The following FLT4 variants were observed in gnomAD, a reference collection of about 807,000 sequenced individuals.
FLT4 encodes the protein vascular endothelial growth factor receptor 3.
A neutral mutation model predicts 163.2 loss-of-function variants in FLT4; 30 were observed. The ratio of observed to expected loss-of-function variants is 0.18; its 90% CI spans 0.14 to 0.25. FLT4 has a LOEUF of 0.25. FLT4 is among the 10% of genes least tolerant of loss of function. The pLI is 1.00. For synonymous variants in FLT4, 884 were observed against 789.5 expected, an observed-to-expected ratio of 1.12 and a Z score of -2.01; for missense variants, 1,510 against 1,863.8, an observed-to-expected ratio of 0.81 and a Z score of 3.50.
intron 1 of FLT4, among the ~76,000 whole-genome samples, chr5:180,642,175 C>A (rs904170838): frequency 1.9e-4 from 29 of 151,424 alleles, no homozygotes; most frequent in Admixed American, 4.6e-4. Flanking sequence ...CCACTGCACT[C>A]CAGCTTGGGC....
At chr5:180,622,229 GC>G (rs1459617215) in intron 12 of FLT4, among the ~76,000 whole-genome samples, 2 of 152,000 alleles carry the variant, frequency 1.3e-5, no homozygotes, top group Admixed American at 6.6e-5. Context: ...GGCTCCTGTG[GC>G]CCCCCAGCCC....
rs1373117217 is a variant in FLT4, at chr5:180,631,784, G to A, written c.59-6C>T. On this transcript the variant is annotated splice_region_variant and splice_polypyrimidine_tract_variant and intron_variant, in intron 1 of 29. Transcript: ENST00000261937. ...GGAGTAGCCACTCACCAGGCCTGGG[G>A]TGGGAGACAGGGTCAGCGTGGTGCT... 2 of 1,601,240 alleles carry A rather than the reference G, an allele frequency of 1.2e-6. No individual in the cohort carries two copies. The highest frequency in any genetic ancestry group is 2.7e-5 in the African/African-American group (2 of 74,776).
At chr5:180,626,399 G>T in intron 8 of FLT4, 134 bp from the exon 9 acceptor site, 2 of 927,052 alleles carry the variant, frequency 2.2e-6, no homozygotes, top group Non-Finnish European at 3.4e-6. Context: ...GGGAACACTG[G>T]TCTGCGAGGG....
At chr5:180,637,541 T>C (rs1484048149) in intron 1 of FLT4, among the ~76,000 whole-genome samples, 3 of 152,056 alleles carry the variant, frequency 2.0e-5, no homozygotes, top group Non-Finnish European at 4.4e-5. Flanking sequence ...TTTTGTTTGT[T>C]TGTTTGTTTT....
rs766981627 is a variant in FLT4, at chr5:180,602,067, G to C, written c.*1125C>G. On this transcript the variant is annotated 3_prime_UTR_variant, in exon 30 of 30. Coordinates refer to ENST00000261937, the MANE Select transcript of FLT4 (RefSeq NM_182925.5). ...CTCTCGGCTGCTCCTCTGGGAGGGC[G>C]GCATTCTGACCAGCCAGGGTGCTGA... The C allele has an allele frequency of 1.4e-4, 32 of 233,380 alleles. No homozygotes were observed. The highest frequency in any genetic ancestry group is 2.5e-4 in the Non-Finnish European group (29 of 118,232). 14.5% of individuals were successfully genotyped at this position (233,380 alleles called of 1,614,324 possible).
At chr5:180,628,485 C>A (rs1002425590) in intron 8 of FLT4, among the ~76,000 whole-genome samples, 3 of 152,226 alleles carry the variant, frequency 2.0e-5, no homozygotes, top group African/African-American at 7.2e-5. Flanking sequence ...AATTTCTGGA[C>A]AGAAGGGTCC....
chr5:180,626,077 C>T (rs758498950), intron 9 of FLT4, 34 bp downstream of exon 9: 14 of 1,612,592 alleles, frequency 8.7e-6, no homozygotes, highest in African/African-American at 6.7e-5. Flanking sequence ...AATGCCAGGC[C>T]GCCCACCCGT....
Position 180,623,444 on chromosome 5 carries a change from C to T in FLT4, c.1548+491G>A, listed in dbSNP as rs558976961. ...TACCATCCAAAGACCCCCACCCCCA[C>T]CCCACCCCCAGCTGGGCACTTCCTG... On this transcript the variant is annotated intron_variant, in intron 11 of 29. Transcript: ENST00000261937. The surrounding 1 kb of genome is among the most constrained non-coding windows in gnomAD (Gnocchi z 5.8). Among the ~76,000 whole-genome samples the T allele has an allele frequency of 5.3e-5, 8 of 151,778 alleles. No homozygotes were observed. Among genetic ancestry groups the T allele is most frequent in the Non-Finnish European group, 1.2e-4 (8 of 67,874 alleles).
chr5:180,611,445 G>A lies in FLT4; in HGVS notation c.3572C>T (p.Ser1191Phe), dbSNP rs1561696035. The A allele has an allele frequency of 9.9e-6, 16 of 1,613,812 alleles. No individual in the cohort carries two copies. Among genetic ancestry groups the A allele is most frequent in the Non-Finnish European group, 1.4e-5 (16 of 1,179,972 alleles). Residue 1191 changes from serine to phenylalanine, a missense_variant, in exon 27 of 30, where the codon TCT becomes TTT. Physicochemically the swap from Ser to Phe is radical, Grantham distance 155. Transcript: ENST00000261937. ...GAAGCTGCCCTCTTCTGAGCTCTGA[G>A]AGCTGCGCGGGGCCATGCAGACCTC... is the stretch of plus-strand genomic sequence containing the variant. ...EEEVCMAPRS[S>F]QSSEEGSFSQ...
chr5:180,629,423 T>G lies in FLT4; in HGVS notation c.821A>C (p.Glu274Ala). 6.2e-7 allele frequency: 1 copy of G among 1,610,926 alleles called. No individual in the cohort carries two copies. The highest frequency in any genetic ancestry group is 8.5e-7 in the Non-Finnish European group (1 of 1,179,934). ...TCGCTCGGGCACCCACTTACCCCGCTCTGCCTGCCCGCACCCAGGGAAGCC... is the reference window on the plus strand; with the variant it reads ...TCGCTCGGGCACCCACTTACCCCGCGCTGCCTGCCCGCACCCAGGGAAGCC... ...FDWDYPGKQAERGKWVPERRS... is the reference protein window; with the variant it reads ...FDWDYPGKQAARGKWVPERRS... The change falls in exon 7 of 30, where the codon GAG (glutamate) becomes GCG (alanine). Residue 274 changes from glutamate (E) to alanine (A), a missense_variant. Physicochemically the swap from Glu to Ala is moderately radical, Grantham distance 107 (BLOSUM62 -1). Transcript: ENST00000261937.
chr5:180,617,225 C>T (rs35521157), intron 21 of FLT4, among the ~76,000 whole-genome samples: 4 of 8,358 alleles, frequency 4.8e-4, no homozygotes, highest in South Asian at 0.02. Flanking sequence ...CCACGTCCTA[C>T]TCCAGAGCAC....
At chr5:180,604,415 C>T (rs145890726) in intron 29 of FLT4, among the ~76,000 whole-genome samples, 5 of 152,346 alleles carry the variant, frequency 3.3e-5, no homozygotes, top group South Asian at 2.1e-4. Flanking sequence ...GGCCCTCCTG[C>T]GGAGCCAGCT....
chr5:180,633,092 G>A (rs1349914924), intron 1 of FLT4, among the ~76,000 whole-genome samples: 1 of 152,140 alleles, frequency 6.6e-6, no homozygotes, highest in Non-Finnish European at 1.5e-5. Flanking sequence ...GGGGTGGGGT[G>A]GAGCCCAGGG....
chr5:180,612,360 TGTGGATAGG>T (rs1483597937), intron 26 of FLT4, 137 bp downstream of exon 26: 1 of 701,302 alleles, frequency 1.4e-6, no homozygotes, highest in African/African-American at 1.8e-5. Context: ...GGGGACGAGG[TGTGGATAGG>T]GGCCCAGGAC....
upstream of FLT4, chr5:180,649,628 G>A: frequency 3.7e-6 from 2 of 547,720 alleles, no homozygotes; most frequent in Non-Finnish European, 5.0e-6. Context: ...CTGGCCTGGG[G>A]CGGGGCGGGG....
intron 8 of FLT4, among the ~76,000 whole-genome samples, chr5:180,626,517 C>T (rs978951853): frequency 6.6e-6 from 1 of 152,192 alleles, no homozygotes; most frequent in African/African-American, 2.4e-5. Context: ...AGTAGCACCT[C>T]CTGCCTTGCC....
At chr5:180,647,832 G>C (rs1197056570) in intron 1 of FLT4, among the ~76,000 whole-genome samples, 1 of 152,102 alleles carries the variant, frequency 6.6e-6, no homozygotes, top group East Asian at 1.9e-4. Context: ...GGGTCACTAA[G>C]AGTCACTACT....
chr5:180,628,958 G>C lies in FLT4; in HGVS notation c.1027C>G (p.Leu343Val), dbSNP rs1482697612. 5.6e-6 allele frequency: 9 copies of C among 1,612,778 alleles called. No individual in the cohort carries two copies. The highest frequency in any genetic ancestry group is 6.8e-6 in the Non-Finnish European group (8 of 1,179,956). The change falls in exon 8 of 30, where the codon CTG (leucine) becomes GTG (valine). Residue 343 changes from leucine (L) to valine (V), a missense_variant. Coordinates refer to ENST00000261937, the MANE Select transcript of FLT4 (RefSeq NM_182925.5). ...ISVEWLKGPI[L>V]EATAGDELVK... The stretch of plus-strand genomic sequence containing the variant: ...AGCTCGTCTCCTGCCGTGGCCTCCA[G>C]GATGGGTCCTTTGAGCCACTCGACG...
rs753978823 is a variant in FLT4 at position 180,611,488 on chromosome 5, A to G, written c.3538-9T>C. 1 of 1,613,362 alleles carries G rather than the reference A, an allele frequency of 6.2e-7. No individual in the cohort carries two copies. Among genetic ancestry groups the G allele is most frequent in the South Asian group, 1.1e-5 (1 of 91,056 alleles). On this transcript the variant is annotated splice_polypyrimidine_tract_variant and intron_variant, in intron 26 of 29. Coordinates refer to ENST00000261937, the MANE Select transcript of FLT4 (RefSeq NM_182925.5). The stretch of plus-strand genomic sequence containing the variant: ...CAGACCTCCTCTTCCTCCTGGCGGG[A>G]ACAGGAGAGGCAGCCAGGCCAGAAA...
Sources: allele counts gnomAD v4.1 joint callset (sites outside exome capture counted in the v4.1 genomes callset), GRCh38; gene constraint gnomAD v4.1.1; non-coding constraint Gnocchi (gnomAD v3.1); transcripts MANE v1.5; gene names NCBI Gene and HGNC (gene_info 2026-07-23, HGNC 2026-07-21).